The following SMG6 variants were observed in gnomAD, a reference collection of about 807,000 sequenced individuals.
SMG6 encodes telomerase-binding protein EST1A.
SMG6 carries 66 observed loss-of-function variants against 142.2 expected under a neutral mutation model. That is an observed-to-expected ratio of 0.46 (90% CI 0.38 to 0.57). The LOEUF is 0.57. Among genes scored for constraint, SMG6 ranks in the 20% least tolerant of loss-of-function variants. The pLI is 0.00. For synonymous variants in SMG6, 779 were observed against 702.4 expected (o/e 1.11, Z -1.72); for missense variants, 1,793 against 1,832.0 (o/e 0.98, Z 0.39).
intron 8 of SMG6, among the ~76,000 whole-genome samples, chr17:2,275,108 T>C (rs1212333337): frequency 6.6e-6 from 1 of 151,992 alleles, no homozygotes; most frequent in Admixed American, 6.5e-5. Flanking sequence ...GTTTTAAGGG[T>C]TGTGCTCCTT....
intron 12 of SMG6, among the ~76,000 whole-genome samples, chr17:2,179,078 G>A (rs955024783): frequency 6.6e-6 from 1 of 152,130 alleles, no homozygotes; most frequent in Non-Finnish European, 1.5e-5. Context: ...CCTGCCGTGG[G>A]AGAGATCACG....
At chr17:2,263,444 C>T (rs1462965064) in intron 8 of SMG6, among the ~76,000 whole-genome samples, 4 of 151,970 alleles carry the variant, frequency 2.6e-5, no homozygotes, top group South Asian at 2.1e-4. Context: ...ATGAACGACA[C>T]GGAAAAAACA....
At chr17:2,124,929 C>T (rs903078239) in intron 13 of SMG6, among the ~76,000 whole-genome samples, 1 of 152,164 alleles carries the variant, frequency 6.6e-6, no homozygotes, top group African/African-American at 2.4e-5. Flanking sequence ...TTTTTTGTTG[C>T]TGTTCCCATG....
At chr17:2,179,120 G>A (rs1254941273) in intron 12 of SMG6, among the ~76,000 whole-genome samples, 1 of 152,190 alleles carries the variant, frequency 6.6e-6, no homozygotes, top group Non-Finnish European at 1.5e-5. Flanking sequence ...GGAGGAAGAG[G>A]AACCCCCTGG....
chr17:2,112,524 A>AAAATAAAT (rs141512888), intron 13 of SMG6, among the ~76,000 whole-genome samples: 68 of 139,714 alleles, frequency 4.9e-4, no homozygotes, highest in South Asian at 8.9e-4. Flanking sequence ...AATAAAATAA[A>AAAATAAAT]AAATAAATAA....
At chr17:2,215,400 G>C (rs541623106) in intron 10 of SMG6, 38 of 151,820 alleles carry the variant, frequency 2.5e-4, no homozygotes, top group Non-Finnish European at 4.9e-4. Flanking sequence ...CTTTTGCGAT[G>C]GTCAGAGTAG....
intron 8 of SMG6, among the ~76,000 whole-genome samples, chr17:2,257,012 G>A (rs188054713): frequency 6.6e-6 from 1 of 151,572 alleles, no homozygotes; most frequent in Non-Finnish European, 1.5e-5. Context: ...GTCTCACTCT[G>A]TTGCCCAGGC....
At chr17:2,154,719 G>T (rs2151608649) in intron 13 of SMG6, among the ~76,000 whole-genome samples, 1 of 152,252 alleles carries the variant, frequency 6.6e-6, no homozygotes, top group South Asian at 2.1e-4. Flanking sequence ...TGAAACTATT[G>T]TTAATAATAA....
intron 10 of SMG6, chr17:2,232,535 T>A (rs1208925537): frequency 6.6e-6 from 1 of 152,216 alleles, no homozygotes; most frequent in East Asian, 1.9e-4. Context: ...AAATGCTTAC[T>A]GAATGCCTAA....
At position 2,191,953 on chromosome 17, in the gene SMG6, C is replaced by T. The variant is rs148535480; in HGVS notation, c.2870-3438G>A. Among the ~76,000 whole-genome samples, 34 of 152,366 alleles carry T rather than the reference C, an allele frequency of 2.2e-4. No individual in the cohort carries two copies. The East Asian group carries it at 6.0e-3, about 27-fold the overall frequency. ...GCAAGTGTCCTTCTGCTGGGAAACA[C>T]AACACACTGCCCTTGTTATTGTAAC... On this transcript the variant is annotated intron_variant, in intron 10 of 18. Coordinates refer to ENST00000263073, the MANE Select transcript of SMG6 (RefSeq NM_017575.5).
At chr17:2,254,624 C>T (rs1049248875) in intron 8 of SMG6, among the ~76,000 whole-genome samples, 8 of 152,132 alleles carry the variant, frequency 5.3e-5, no homozygotes, top group East Asian at 1.9e-4. Context: ...CGTGAGATAC[C>T]GTGCTCGGCC....
chr17:2,090,334 G>A (rs1422736077), intron 13 of SMG6, among the ~76,000 whole-genome samples: 2 of 152,102 alleles, frequency 1.3e-5, no homozygotes, highest in African/African-American at 4.8e-5. Context: ...GCTATATGCT[G>A]CTTTATGAAG....
intron 8 of SMG6, among the ~76,000 whole-genome samples, chr17:2,257,514 C>T (rs962152802): frequency 2.6e-5 from 4 of 152,144 alleles, no homozygotes; most frequent in Non-Finnish European, 4.4e-5. Context: ...AGTAGCAATT[C>T]CATCTGCTAC....
intron 13 of SMG6, chr17:2,088,299 G>GA: frequency 1.0e-6 from 1 of 985,444 alleles, no homozygotes; most frequent in Non-Finnish European, 1.2e-6. Context: ...GACTCCTGGA[G>GA]ATGGGGATTT....
chr17:2,135,000 C>G (rs2070248200), intron 13 of SMG6, among the ~76,000 whole-genome samples: 1 of 152,172 alleles, frequency 6.6e-6, no homozygotes, highest in Non-Finnish European at 1.5e-5. Flanking sequence ...CTACCTCAGG[C>G]TCCCGACTAG....
At chr17:2,072,268 C>T (rs757997772) in intron 15 of SMG6, among the ~76,000 whole-genome samples, 2 of 152,148 alleles carry the variant, frequency 1.3e-5, no homozygotes, top group Non-Finnish European at 1.5e-5. Flanking sequence ...AAGGAGAGTT[C>T]CACAGGAACC....
At chr17:2,131,828 T>A (rs984029033) in intron 13 of SMG6, among the ~76,000 whole-genome samples, 1 of 152,058 alleles carries the variant, frequency 6.6e-6, no homozygotes, top group Non-Finnish European at 1.5e-5. Context: ...TTCTAGCACT[T>A]TAGGAGGCCA....
intron 13 of SMG6, among the ~76,000 whole-genome samples, chr17:2,129,793 CAAAAAAAAAAAAAAAA>C (rs57556112): frequency 1.8e-5 from 1 of 56,320 alleles, no homozygotes; most frequent in Admixed American, 2.9e-4. Flanking sequence ...GGCTCTGTCT[CAAAAAAAAAAAAAAAA>C]AAAAAAAAAA....
At chr17:2,286,276 CCATA>C (rs1220884127) in intron 6 of SMG6, among the ~76,000 whole-genome samples, 1 of 148,272 alleles carries the variant, frequency 6.7e-6, no homozygotes, top group African/African-American at 2.5e-5. Flanking sequence ...ACCCTAAAAT[CCATA>C]CATAATTACA....
Sources: allele counts gnomAD v4.1 joint callset (sites outside exome capture counted in the v4.1 genomes callset), GRCh38; gene constraint gnomAD v4.1.1; transcripts MANE v1.5; gene names NCBI Gene and HGNC (gene_info 2026-07-23, HGNC 2026-07-21).